FAM124B: variants seen among roughly 807,000 people sequenced by gnomAD.
FAM124B encodes the protein family with sequence similarity 124 member B.
Under a neutral mutation model 19.7 loss-of-function variants are expected in FAM124B, and 18 were observed. That is an observed-to-expected ratio of 0.92 (90% CI 0.63 to 1.36). The LOEUF (loss-of-function observed/expected upper bound fraction) is 1.36. FAM124B is among the 40% of genes most tolerant of loss of function. The pLI is 0.00. For synonymous variants in FAM124B, 223 were observed against 225.2 expected (o/e 0.99, Z 0.09); for missense variants, 540 against 553.3 (o/e 0.98, Z 0.24).
At chr2:224,394,828 A>G (rs762345362) in intron 1 of FAM124B, among the ~76,000 whole-genome samples, 1 of 152,000 alleles carries the variant, frequency 6.6e-6, no homozygotes, top group African/African-American at 2.4e-5. Context: ...CTCCTTCCCT[A>G]CACACAAGGT....
At chr2:224,393,281 AT>A (rs1689917839) in intron 1 of FAM124B, among the ~76,000 whole-genome samples, 1 of 152,200 alleles carries the variant, frequency 6.6e-6, no homozygotes, top group Non-Finnish European at 1.5e-5. Flanking sequence ...GCTCATCCCT[AT>A]GATTAAGTCA....
At position 224,379,753 on chromosome 2, in the gene FAM124B, T is replaced by A; in HGVS notation, c.1188A>T (p.Pro396=). The A allele has an allele frequency of 6.4e-7, 1 of 1,551,738 alleles. No homozygotes were observed. The highest frequency in any genetic ancestry group is 8.7e-7 in the Non-Finnish European group (1 of 1,147,002). ...AGGTAGCCACCCCCAAGGAAGAGGC[T>A]GGCAAGCAGAATGGTGGCTGGCTGG... ...LQTSQPPFCL[P]ASSLGVATSK... Residue 396 remains proline, a synonymous_variant, in exon 2 of 2, where the codon CCA becomes CCT. Transcript: ENST00000409685.
chr2:224,385,547 A>G (rs968749442), intron 1 of FAM124B, among the ~76,000 whole-genome samples: 2 of 152,182 alleles, frequency 1.3e-5, no homozygotes, highest in Non-Finnish European at 2.9e-5. Context: ...AAGGCTCCCA[A>G]AAGTGTAACT....
chr2:224,392,477 A>T (rs1689903377), intron 1 of FAM124B, among the ~76,000 whole-genome samples: 1 of 152,024 alleles, frequency 6.6e-6, no homozygotes, highest in Non-Finnish European at 1.5e-5. Flanking sequence ...GAGATAGGCC[A>T]GGCATGGTGG....
rs1175977516 is a variant in FAM124B at position 224,401,499 on chromosome 2, C to T, written c.270G>A (p.Gln90=). 1.9e-6 allele frequency: 3 copies of T among 1,614,020 alleles called. No homozygotes were observed. The highest frequency in any genetic ancestry group is 2.5e-6 in the Non-Finnish European group (3 of 1,180,028). The part of the protein sequence containing the change: ...DRLFRVLDSL[Q]HSPWQCYPTQ... ...TGGGGTAGCACTGCCATGGCGAATG[C>T]TGGAGAGAGTCCAGGACGCGAAATA... The change falls in exon 1 of 2, where the codon CAG becomes CAA. Residue 90 remains glutamine, a synonymous_variant. Coordinates refer to ENST00000409685, the MANE Select transcript of FAM124B (RefSeq NM_001122779.2).
At position 224,401,254 on chromosome 2, in the gene FAM124B, C is replaced by T; in HGVS notation, c.515G>A (p.Cys172Tyr). 6.2e-7 allele frequency: 1 copy of T among 1,614,068 alleles called. No homozygotes were observed. The highest frequency in any genetic ancestry group is 1.7e-5 in the Admixed American group (1 of 59,994). ...CTTGGAGGCATAGAGCACGAAGAAACAAAAATTGCTCTTTTGCAAGGTCGC... is the reference window on the plus strand; with the variant it reads ...CTTGGAGGCATAGAGCACGAAGAAATAAAAATTGCTCTTTTGCAAGGTCGC... ...REATLQKSNF[C>Y]FFVLYASKSF... The change falls in exon 1 of 2, where the codon TGT (cysteine) becomes TAT (tyrosine). Residue 172 changes from cysteine (C) to tyrosine (Y), a missense_variant. Coordinates refer to ENST00000409685, the MANE Select transcript of FAM124B (RefSeq NM_001122779.2).
chr2:224,394,069 G>A (rs1442801336), intron 1 of FAM124B, among the ~76,000 whole-genome samples: 11 of 152,128 alleles, frequency 7.2e-5, no homozygotes, highest in Admixed American at 5.2e-4. Context: ...GCCACCAAGC[G>A]ACATTGACTT....
At chr2:224,390,100 T>C (rs1689855919) in intron 1 of FAM124B, among the ~76,000 whole-genome samples, 1 of 130,548 alleles carries the variant, frequency 7.7e-6, no homozygotes, top group African/African-American at 3.0e-5. Flanking sequence ...GAAAAAACAG[T>C]TGAGTCTTTG....
At chr2:224,385,326 T>C (rs1266912803) in intron 1 of FAM124B, among the ~76,000 whole-genome samples, 5 of 152,230 alleles carry the variant, frequency 3.3e-5, no homozygotes, top group Admixed American at 2.0e-4. Flanking sequence ...GAAGTCTTTT[T>C]CTTCAGCTTC....
chr2:224,381,033 T>A, intron 1 of FAM124B, among the ~76,000 whole-genome samples: 1 of 152,322 alleles, frequency 6.6e-6, no homozygotes, highest in East Asian at 1.9e-4. Context: ...CCCAAGAAGA[T>A]TTCTGGAAAA....
chr2:224,387,392 T>C (rs1203500534), intron 1 of FAM124B, among the ~76,000 whole-genome samples: 1 of 152,052 alleles, frequency 6.6e-6, no homozygotes, highest in Non-Finnish European at 1.5e-5. Context: ...GAAGGGAAAA[T>C]AATGTTTCTC....
chr2:224,382,802 C>G (rs1034680087), intron 1 of FAM124B, among the ~76,000 whole-genome samples: 1 of 152,178 alleles, frequency 6.6e-6, no homozygotes. Context: ...AGGGTAGCCT[C>G]TGCCTACGGG....
intron 1 of FAM124B, among the ~76,000 whole-genome samples, chr2:224,391,547 A>C (rs1048466388): frequency 6.6e-6 from 1 of 152,212 alleles, no homozygotes; most frequent in African/African-American, 2.4e-5. Context: ...AAAGAAGTAT[A>C]TTATCTAAAA....
At chr2:224,381,710 G>A (rs1173272210) in intron 1 of FAM124B, among the ~76,000 whole-genome samples, 2 of 152,036 alleles carry the variant, frequency 1.3e-5, no homozygotes, top group African/African-American at 4.8e-5. Flanking sequence ...TGTCGTTGTA[G>A]GTTGATCAGT....
intron 1 of FAM124B, among the ~76,000 whole-genome samples, chr2:224,384,822 C>T (rs370679896): frequency 2.0e-5 from 3 of 152,290 alleles, no homozygotes; most frequent in Non-Finnish European, 2.9e-5. Flanking sequence ...GGCCAAGACT[C>T]CCATCACCTC....
chr2:224,394,725 T>A (rs2106086226), intron 1 of FAM124B, among the ~76,000 whole-genome samples: 1 of 152,288 alleles, frequency 6.6e-6, no homozygotes, highest in East Asian at 1.9e-4. Flanking sequence ...TCCTTTGAAC[T>A]CTCCAGCCCT....
Position 224,379,560 on chromosome 2 carries a change from C to T in FAM124B, c.*13G>A, listed in dbSNP as rs1225475470. Reference sequence around the variant, plus strand: ...TCTGATCTTGTGTTTTAGAAAACCACATTTATTTTATGCTATATAAAGAAT... The same window carrying T: ...TCTGATCTTGTGTTTTAGAAAACCATATTTATTTTATGCTATATAAAGAAT... On this transcript the variant is annotated 3_prime_UTR_variant, in exon 2 of 2. Transcript: ENST00000409685. The T allele has an allele frequency of 6.6e-7, 1 of 1,510,066 alleles. No individual in the cohort carries two copies. Among genetic ancestry groups the T allele is most frequent in the East Asian group, 2.5e-5 (1 of 40,492 alleles). 93.5% of individuals were successfully genotyped at this position (1,510,066 alleles called of 1,614,324 possible).
intron 1 of FAM124B, among the ~76,000 whole-genome samples, chr2:224,389,936 G>A (rs2106082423): frequency 6.6e-6 from 1 of 152,056 alleles, no homozygotes; most frequent in South Asian, 2.1e-4. Context: ...ACAACTCGGG[G>A]GTGAGTGGGC....
chr2:224,396,392 T>C (rs1689970153), intron 1 of FAM124B, among the ~76,000 whole-genome samples: 1 of 152,184 alleles, frequency 6.6e-6, no homozygotes, highest in Non-Finnish European at 1.5e-5. Flanking sequence ...GCATTGCTAC[T>C]CAGGAAAGCT....
Sources: gnomAD v4.1 joint callset for allele counts (sites outside exome capture counted in the v4.1 genomes callset) on GRCh38, gnomAD v4.1.1 for gene constraint, MANE v1.5 for transcripts, NCBI Gene and HGNC (gene_info 2026-07-23, HGNC 2026-07-21) for gene names.